The following CAMKMT variants were observed in gnomAD, a reference collection of about 807,000 sequenced individuals.
The protein encoded by CAMKMT is CaM KMT.
Under a neutral mutation model 48.0 loss-of-function variants are expected in CAMKMT, and 53 were observed. That is an observed-to-expected ratio of 1.10 (90% CI 0.89 to 1.39). The LOEUF is 1.39. CAMKMT is among the 40% of genes most tolerant of loss of function. The probability of loss-of-function intolerance (pLI) is 0.00; values close to 1 mark genes in which losing one functional copy is unlikely to be tolerated. For missense variants in CAMKMT, 428 were observed against 402.7 expected, an observed-to-expected ratio of 1.06 and a Z score of -0.54; for synonymous variants, 165 against 152.3, an observed-to-expected ratio of 1.08 and a Z score of -0.61.
At position 44,673,504 on chromosome 2, in the gene CAMKMT, AGGAAGGAAGGAAGGAAGGAG is replaced by A. The variant is rs753071180; in HGVS notation, c.377-30769_377-30750del. 3.6e-3 allele frequency among the ~76,000 whole-genome samples: 517 copies of A among 144,048 alleles called. 2 individuals are homozygous for A. The highest frequency in any genetic ancestry group is 5.6e-3 in the East Asian group (28 of 4,978). The allele number at this position is 144,048 out of a possible 152,430, so 94.5% of individuals were successfully genotyped here. ...AAGGAAGGAAGGAAGGAAGGAAGGA[AGGAAGGAAGGAAGGAAGGAG>A]GGAAGGAAGAAATCTATACACCCAA... On this transcript the variant is annotated intron_variant, in intron 3 of 10. Coordinates refer to ENST00000378494, the MANE Select transcript of CAMKMT (RefSeq NM_024766.5).
chr2:44,504,224 T>C (rs564884846), intron 3 of CAMKMT, among the ~76,000 whole-genome samples: 89 of 152,272 alleles, frequency 5.8e-4, no homozygotes, highest in African/African-American at 2.1e-3. Context: ...ATCTGTGTTA[T>C]GGTGAGTCCC....
At position 44,671,217 on chromosome 2, in the gene CAMKMT, A is replaced by C. The variant is rs544676859; in HGVS notation, c.377-33066A>C. ...GCTCCAGTACCTAGTCTCCTTCCCC[A>C]AAATCCTACCCCCTTTTTTCCTTCA... On this transcript the variant is annotated intron_variant, in intron 3 of 10. Coordinates refer to ENST00000378494, the MANE Select transcript of CAMKMT (RefSeq NM_024766.5). 1.4e-3 allele frequency among the ~76,000 whole-genome samples: 215 copies of C among 152,158 alleles called. 1 individual carries two copies. The highest frequency in any genetic ancestry group is 5.0e-3 in the African/African-American group (206 of 41,516).
At chr2:44,651,852 G>A (rs925789964) in intron 3 of CAMKMT, among the ~76,000 whole-genome samples, 1 of 152,128 alleles carries the variant, frequency 6.6e-6, no homozygotes, top group Non-Finnish European at 1.5e-5. Context: ...AAGGAAAGAA[G>A]AATTTAATGA....
intron 3 of CAMKMT, among the ~76,000 whole-genome samples, chr2:44,391,196 A>G (rs1681303581): frequency 6.6e-6 from 1 of 152,222 alleles, no homozygotes; most frequent in African/African-American, 2.4e-5. Context: ...GTGTTCAGTA[A>G]TACTCAGACA....
intron 3 of CAMKMT, among the ~76,000 whole-genome samples, chr2:44,648,569 T>G (rs1003875374): frequency 1.3e-5 from 2 of 152,212 alleles, no homozygotes; most frequent in East Asian, 3.8e-4. Context: ...ATAAAATCAT[T>G]TCTTAAACTA....
intron 3 of CAMKMT, among the ~76,000 whole-genome samples, chr2:44,689,829 A>C (rs1388758857): frequency 1.3e-5 from 2 of 152,186 alleles, no homozygotes; most frequent in African/African-American, 4.8e-5. Context: ...CCTCAGGAGA[A>C]TCTCTTCTGC....
chr2:44,551,495 G>A (rs772803027), intron 3 of CAMKMT, among the ~76,000 whole-genome samples: 2 of 152,148 alleles, frequency 1.3e-5, no homozygotes, highest in African/African-American at 4.8e-5. Flanking sequence ...GCCTTCTTGA[G>A]TAGTTTTATC....
intron 3 of CAMKMT, among the ~76,000 whole-genome samples, chr2:44,501,892 A>C (rs1670025467): frequency 6.6e-6 from 1 of 152,144 alleles, no homozygotes; most frequent in Non-Finnish European, 1.5e-5. Context: ...TTGGAGGCGA[A>C]ACAAGAATAA....
intron 3 of CAMKMT, among the ~76,000 whole-genome samples, chr2:44,637,984 G>T (rs1673227850): frequency 6.7e-6 from 1 of 149,376 alleles, no homozygotes; most frequent in South Asian, 2.1e-4. Flanking sequence ...AGAATCGCTT[G>T]AACTCGGGAG....
intron 3 of CAMKMT, among the ~76,000 whole-genome samples, chr2:44,591,995 T>C (rs1670315112): frequency 6.9e-6 from 1 of 145,784 alleles, no homozygotes; most frequent in Admixed American, 7.3e-5. Context: ...TTCTCACTCA[T>C]AGGTGGGAAT....
intron 1 of CAMKMT, among the ~76,000 whole-genome samples, chr2:44,371,002 G>A (rs1679121092): frequency 2.0e-5 from 3 of 151,860 alleles, no homozygotes; most frequent in African/African-American, 4.8e-5. Context: ...AAATTTTTTT[G>A]AGGCAGAGTC....
chr2:44,611,683 A>T (rs1482854568), intron 3 of CAMKMT, among the ~76,000 whole-genome samples: 1 of 151,982 alleles, frequency 6.6e-6, no homozygotes, highest in African/African-American at 2.4e-5. Context: ...AAGAGTGGGT[A>T]ATTTATAAAG....
At position 44,379,186 on chromosome 2, in the gene CAMKMT, G is replaced by A. The variant is rs117416665; in HGVS notation, c.311+6298G>A. On this transcript the variant is annotated intron_variant, in intron 2 of 10. Transcript: ENST00000378494. Reference sequence around the variant, plus strand: ...CTACAATATGTGGCCCTGTATGTCTGTCTTCTTTCACTGAGCGTAATCTTT... The same window carrying A: ...CTACAATATGTGGCCCTGTATGTCTATCTTCTTTCACTGAGCGTAATCTTT... Among the ~76,000 whole-genome samples, 95 of 152,260 alleles carry A rather than the reference G, an allele frequency of 6.2e-4. 1 individual carries two copies. In the East Asian group the frequency reaches 0.015, roughly 24 times the overall value.
intron 3 of CAMKMT, among the ~76,000 whole-genome samples, chr2:44,546,975 A>G (rs1018411995): frequency 1.9e-4 from 29 of 152,110 alleles, no homozygotes; most frequent in African/African-American, 5.6e-4. Context: ...CACAACATAG[A>G]CCACAAATCC....
chr2:44,722,842 G>A (rs201994418), intron 7 of CAMKMT, among the ~76,000 whole-genome samples: 3 of 152,032 alleles, frequency 2.0e-5, no homozygotes, highest in Non-Finnish European at 4.4e-5. Flanking sequence ...TACTTGAAAC[G>A]GAAAATATAA....
chr2:44,462,495 T>G (rs892202212), intron 3 of CAMKMT, among the ~76,000 whole-genome samples: 3 of 152,136 alleles, frequency 2.0e-5, no homozygotes, highest in African/African-American at 7.2e-5. Flanking sequence ...GTTGTTTGGA[T>G]TTATGATTAT....
At chr2:44,685,058 G>T (rs189044271) in intron 3 of CAMKMT, among the ~76,000 whole-genome samples, 1 of 151,758 alleles carries the variant, frequency 6.6e-6, no homozygotes, top group African/African-American at 2.4e-5. Flanking sequence ...CATGTGCATC[G>T]TGTAAACATG....
chr2:44,706,360 C>G lies in CAMKMT; in HGVS notation c.492+19C>G. ...GCTCATGGTAGGTCTTTTCTCCATT[C>G]CAATCCCATTCAGAGGGAGGAACAA... On this transcript the variant is annotated intron_variant, in intron 5 of 10. Transcript: ENST00000378494. The G allele has an allele frequency of 6.2e-7, 1 of 1,612,406 alleles. No individual in the cohort carries two copies. Among genetic ancestry groups the G allele is most frequent in the Non-Finnish European group, 8.5e-7 (1 of 1,178,724 alleles).
chr2:44,651,626 G>C (rs1029105882), intron 3 of CAMKMT, among the ~76,000 whole-genome samples: 2 of 152,200 alleles, frequency 1.3e-5, no homozygotes, highest in African/African-American at 4.8e-5. Context: ...TATGATTGCA[G>C]TTATGGTAAA....
Sources: allele counts gnomAD v4.1 joint callset (sites outside exome capture counted in the v4.1 genomes callset), GRCh38; gene constraint gnomAD v4.1.1; transcripts MANE v1.5; gene names NCBI Gene and HGNC (gene_info 2026-07-23, HGNC 2026-07-21).